The following BRD9 variants were observed in gnomAD, a reference collection of about 807,000 sequenced individuals.
The protein encoded by BRD9 is bromodomain containing 9, also known as bromodomain-containing protein 9.
A neutral mutation model predicts 68.7 loss-of-function variants in BRD9; 47 were observed. The ratio of observed to expected loss-of-function variants is 0.68; its 90% CI spans 0.54 to 0.87. BRD9 has a LOEUF of 0.87. Ranked by LOEUF, BRD9 falls within the 40% of genes least tolerant of loss-of-function variation. The pLI is 0.00. For synonymous variants in BRD9, 313 were observed against 293.9 expected, an observed-to-expected ratio of 1.06 and a Z score of -0.67; for missense variants, 670 against 748.4, an observed-to-expected ratio of 0.90 and a Z score of 1.22.
chr5:871,726 C>G (rs1403633428), intron 12 of BRD9, among the ~76,000 whole-genome samples, 162 bp from the exon 13 acceptor site: 1 of 152,244 alleles, frequency 6.6e-6, no homozygotes, highest in Non-Finnish European at 1.5e-5. Flanking sequence ...GTCCTCCAAA[C>G]CTTCTTCATC....
chr5:892,534 C>A, intron 1 of BRD9, 72 bp downstream of exon 1: 1 of 1,512,454 alleles, frequency 6.6e-7, no homozygotes, highest in Admixed American at 2.1e-5. Flanking sequence ...GGACCCCCGT[C>A]CGCGTGCCCG....
At chr5:883,412 GCT>G (rs1448013543) in intron 8 of BRD9, 3 of 457,000 alleles carry the variant, frequency 6.6e-6, no homozygotes, top group African/African-American at 4.0e-5. Flanking sequence ...GACAGCCTGT[GCT>G]CTGTTTCCAC....
intron 7 of BRD9, among the ~76,000 whole-genome samples, chr5:885,591 T>C (rs1158151235): frequency 6.6e-6 from 1 of 152,202 alleles, no homozygotes; most frequent in Non-Finnish European, 1.5e-5. Flanking sequence ...GCAGAAACCA[T>C]CCTTCAAATC....
intron 11 of BRD9, among the ~76,000 whole-genome samples, chr5:877,332 T>G (rs1751101248): frequency 6.6e-6 from 1 of 152,220 alleles, no homozygotes. Flanking sequence ...ATTTCTGACT[T>G]ATGACCCCAT....
At chr5:866,915 T>C (rs1220363717) in intron 14 of BRD9, among the ~76,000 whole-genome samples, 1 of 152,198 alleles carries the variant, frequency 6.6e-6, no homozygotes, top group Non-Finnish European at 1.5e-5. Context: ...ACCCATTTTC[T>C]GGGGAGGAAT....
At position 876,192 on chromosome 5, in the gene BRD9, T is replaced by A. The variant is rs1490715236; in HGVS notation, c.1292A>T (p.Asp431Val). The change falls in exon 12 of 16, where the codon GAT becomes GTT. Residue 431 changes from aspartate (D) to valine (V), a missense_variant. By Grantham distance (152) the Asp-to-Val change is radical. Transcript: ENST00000467963. ...CALSLQEFVK[D>V]AGSYSKKVVD... ...CACTTTCTTGCTGTAGCTCCCAGCA[T>A]CCTTCACAAACTCCTGCAGGCTAGA... The A allele has an allele frequency of 1.9e-6, 3 of 1,613,886 alleles. No individual in the cohort carries two copies. The highest frequency in any genetic ancestry group is 2.2e-5 in the South Asian group (2 of 91,074).
In BRD9 at chr5:892,772, T is replaced by A. The variant is rs1246556713; in HGVS notation, c.-115A>T. ...GCCGCCCGCGCTCGCTGCGCCGAGG[T>A]TGCCGAGCTCGCTGGGCCGCGCCGG... On this transcript the variant is annotated 5_prime_UTR_variant, in exon 1 of 16. Transcript: ENST00000467963. 3 of 1,117,744 alleles carry A rather than the reference T, an allele frequency of 2.7e-6. No individual in the cohort carries two copies. Among genetic ancestry groups the A allele is most frequent in the Non-Finnish European group, 3.4e-6 (3 of 887,050 alleles). 69.2% of individuals were successfully genotyped at this position (1,117,744 alleles called of 1,614,324 possible). A position where few individuals can be genotyped will look rare whatever the true frequency, so the allele number is the denominator to read the frequency against.
chr5:880,762 G>C (rs1751617505), intron 9 of BRD9, among the ~76,000 whole-genome samples: 1 of 152,238 alleles, frequency 6.6e-6, no homozygotes. Context: ...GGGTGGGCCA[G>C]CACTCTGGTC....
chr5:889,554 A>C, intron 4 of BRD9, 33 bp downstream of exon 4: 1 of 1,610,400 alleles, frequency 6.2e-7, no homozygotes, highest in South Asian at 1.1e-5. Context: ...ACACCCCCCC[A>C]GACACTAGCT....
chr5:876,128 G>A lies in BRD9; in HGVS notation c.1356C>T (p.His452=), dbSNP rs779410558. The A allele has an allele frequency of 6.8e-6, 11 of 1,613,642 alleles. No homozygotes were observed. Among genetic ancestry groups the A allele is most frequent in the Non-Finnish European group, 9.3e-6 (11 of 1,179,894 alleles). The change falls in exon 12 of 16, where the codon CAC becomes CAT. Residue 452 remains histidine (H), a synonymous_variant. Transcript: ENST00000467963. ...DLLDQITGGD[H]SRTLFQLKQR... ...GCTTCAGCTGGAAGAGCGTCCTAGA[G>A]TGGTCTCCGCCTGTGATCTGGTCCA...
chr5:865,168 T>C (rs1749178903), intron 15 of BRD9, among the ~76,000 whole-genome samples: 1 of 152,156 alleles, frequency 6.6e-6, no homozygotes, highest in Non-Finnish European at 1.5e-5. Flanking sequence ...TGGACAGAAC[T>C]GGGGACGGTA....
Position 881,163 on chromosome 5 carries a change from T to C in BRD9, c.986A>G (p.Asn329Ser), listed in dbSNP as rs1291503374. The change falls in exon 9 of 16, where the codon AAC (asparagine) becomes AGC (serine). Residue 329 changes from asparagine (N) to serine (S), a missense_variant. Asn to Ser is a conservative substitution (Grantham distance 46). Around this residue, in one of 5 missense-constraint regions of BRD9, gnomAD observed 135 missense variants for 141.2 expected, o/e 0.96. Transcript: ENST00000467963. ...PGGKMGYLKR[N>S]GDGSLLYSVV... ...GCTGTAGAGCAGGCTCCCGTCCCCGTTCCTCTTCAGATAGCCCATCTGGAA... is the reference window on the plus strand; with the variant it reads ...GCTGTAGAGCAGGCTCCCGTCCCCGCTCCTCTTCAGATAGCCCATCTGGAA... 3 of 1,613,858 alleles carry C rather than the reference T, an allele frequency of 1.9e-6. No individual in the cohort carries two copies. In the East Asian group the frequency reaches 6.7e-5, roughly 36 times the overall value.
chr5:881,337 G>A, intron 8 of BRD9, 155 bp from the exon 9 acceptor site: 1 of 720,040 alleles, frequency 1.4e-6, no homozygotes, highest in African/African-American at 1.8e-5. Flanking sequence ...TGGAATTTCA[G>A]ACTCACCGGC....
intron 11 of BRD9, among the ~76,000 whole-genome samples, chr5:877,728 A>G (rs1170783335): frequency 6.6e-6 from 1 of 152,170 alleles, no homozygotes; most frequent in East Asian, 1.9e-4. Context: ...CGTAAGTTGA[A>G]ATCCCGACCC....
intron 11 of BRD9, 45 bp from the exon 12 acceptor site, chr5:876,257 G>C: frequency 6.7e-7 from 1 of 1,495,960 alleles, no homozygotes; most frequent in East Asian, 2.3e-5. Flanking sequence ...AGCCCTTGTC[G>C]CCTGGCCCTC....
At chr5:885,491 G>A (rs149689142) in intron 7 of BRD9, among the ~76,000 whole-genome samples, 16 of 152,322 alleles carry the variant, frequency 1.1e-4, no homozygotes, top group Admixed American at 2.0e-4. Context: ...ATGGAGGGCC[G>A]TGACCATCAC....
At chr5:886,801 A>C (rs1173764377) in intron 6 of BRD9, 94 bp from the exon 7 acceptor site, 1 of 1,594,772 alleles carries the variant, frequency 6.3e-7, no homozygotes, top group Non-Finnish European at 8.5e-7. Flanking sequence ...GCAGGGATTT[A>C]CCTCTCCCTC....
At chr5:880,636 G>A (rs1399630384) in intron 9 of BRD9, among the ~76,000 whole-genome samples, 1 of 152,192 alleles carries the variant, frequency 6.6e-6, no homozygotes, top group Non-Finnish European at 1.5e-5. Context: ...ATTACTTCCA[G>A]GCCAACAAAG....
In BRD9 at chr5:866,276, A is replaced by G. The variant is rs573872158; in HGVS notation, c.1526-695T>C. On this transcript the variant is annotated intron_variant, in intron 14 of 15. Transcript: ENST00000467963. ...GCCTCAAAGGTGTGTAAGCAGACCTATCACCCAACGGCATCAACTACAAAC... is the reference window on the plus strand; with the variant it reads ...GCCTCAAAGGTGTGTAAGCAGACCTGTCACCCAACGGCATCAACTACAAAC... 11 of 152,432 alleles carry G rather than the reference A, an allele frequency of 7.2e-5. No homozygotes were observed. The East Asian group carries it at 1.7e-3, about 24-fold the overall frequency. 9.4% of individuals were successfully genotyped at this position (152,432 alleles called of 1,614,324 possible).
Sources: allele counts gnomAD v4.1 joint callset (sites outside exome capture counted in the v4.1 genomes callset), GRCh38; gene constraint gnomAD v4.1.1; regional missense constraint gnomAD v4.1.1; transcripts MANE v1.5; gene names NCBI Gene and HGNC (gene_info 2026-07-23, HGNC 2026-07-21).